CDHR3: variants seen among roughly 807,000 people sequenced by gnomAD.
The protein encoded by CDHR3 is cadherin-related family member 3.
In CDHR3, 79 loss-of-function variants were observed where a neutral mutation model predicts 86.6. The ratio of observed to expected loss-of-function variants is 0.91; its 90% CI spans 0.76 to 1.10. The LOEUF is 1.10. CDHR3 is among the 50% of genes least tolerant of loss of function. The probability of loss-of-function intolerance (pLI) is 0.00; values close to 1 mark genes in which losing one functional copy is unlikely to be tolerated. For synonymous variants in CDHR3, 421 were observed against 402.4 expected (o/e 1.05, Z -0.55); for missense variants, 1,081 against 1,077.6 (o/e 1.00, Z -0.04).
chr7:105,987,724 A>T lies in CDHR3; in HGVS notation c.513+3435A>T, dbSNP rs533082371. 4.6e-4 allele frequency among the ~76,000 whole-genome samples: 70 copies of T among 152,314 alleles called. 1 individual carries two copies. The South Asian group carries it at 0.013, about 29-fold the overall frequency. On this transcript the variant is annotated intron_variant, in intron 4 of 18. Transcript: ENST00000317716. Reference sequence around the variant, plus strand: ...ATAAAGCCCCCAGGGAATCTAATGTATGGCCAGGGGTGAGAACTGCTGGTT... The same window carrying T: ...ATAAAGCCCCCAGGGAATCTAATGTTTGGCCAGGGGTGAGAACTGCTGGTT...
Position 105,980,989 on chromosome 7 carries a change from C to A in CDHR3, c.271C>A (p.Gln91Lys). Residue 91 changes from glutamine (Q) to lysine (K), a missense_variant, in exon 3 of 19, where the codon CAA becomes AAA. Gln to Lys is a moderately conservative substitution (Grantham distance 53, BLOSUM62 1). Transcript: ENST00000317716. The part of the protein sequence containing the change: ...YFEVVTTGME[Q>K]LDFETGPNIF... Reference sequence around the variant, plus strand: ...TTAGGTTGTCACCACTGGGATGGAACAACTAGATTTTGAAACAGGACCAAA... The same window carrying A: ...TTAGGTTGTCACCACTGGGATGGAAAAACTAGATTTTGAAACAGGACCAAA... 1 of 1,608,942 alleles carries A rather than the reference C, an allele frequency of 6.2e-7. No individual in the cohort carries two copies. Among genetic ancestry groups the A allele is most frequent in the Non-Finnish European group, 8.5e-7 (1 of 1,177,536 alleles).
In CDHR3 at chr7:106,034,167, C is replaced by T. The variant is rs548816990; in HGVS notation, c.*1470C>T. 1.3e-5 allele frequency among the ~76,000 whole-genome samples: 2 copies of T among 152,316 alleles called. No homozygotes were observed. Among genetic ancestry groups the T allele is most frequent in the African/African-American group, 4.8e-5 (2 of 41,580 alleles). On this transcript the variant is annotated 3_prime_UTR_variant, in exon 19 of 19. Coordinates refer to ENST00000317716, the MANE Select transcript of CDHR3 (RefSeq NM_152750.5). ...TAAAACTCAGACTTCCACCTGTAGGCATGAGCAATGAACTGGGAATAAATG... is the reference window on the plus strand; with the variant it reads ...TAAAACTCAGACTTCCACCTGTAGGTATGAGCAATGAACTGGGAATAAATG...
At chr7:106,012,724 TAGG>T (rs1835001039) in intron 8 of CDHR3, 133 bp from the exon 9 acceptor site, 1 of 911,194 alleles carries the variant, frequency 1.1e-6, no homozygotes, top group Non-Finnish European at 1.6e-6. Flanking sequence ...GGAGACCAGT[TAGG>T]AGGTGACTGC....
intron 2 of CDHR3, among the ~76,000 whole-genome samples, chr7:105,978,477 T>C (rs796929859): frequency 1.3e-4 from 20 of 152,268 alleles, no homozygotes; most frequent in African/African-American, 4.3e-4. Context: ...ATGCCTAAAG[T>C]GAAACTTACT....
intron 1 of CDHR3, among the ~76,000 whole-genome samples, chr7:105,969,105 A>AAAAATT (rs1307212031): frequency 6.9e-6 from 1 of 145,474 alleles, no homozygotes; most frequent in Non-Finnish European, 1.5e-5. Context: ...AAATAAAAAT[A>AAAAATT]AAAAAAGTGG....
At chr7:105,999,323 C>G (rs1442498364) in intron 6 of CDHR3, among the ~76,000 whole-genome samples, 1 of 152,216 alleles carries the variant, frequency 6.6e-6, no homozygotes, top group Non-Finnish European at 1.5e-5. Flanking sequence ...GCCTGAGGAG[C>G]TGCATCGTGG....
chr7:106,006,716 C>T (rs1833988078), intron 8 of CDHR3, among the ~76,000 whole-genome samples: 1 of 152,216 alleles, frequency 6.6e-6, no homozygotes, highest in African/African-American at 2.4e-5. Flanking sequence ...AGCTTCCATC[C>T]TGGATGCTTT....
At chr7:105,984,655 A>AT (rs142561234) in intron 4 of CDHR3, among the ~76,000 whole-genome samples, 2,391 of 152,306 alleles carry the variant, frequency 0.016, 63 homozygotes, top group African/African-American at 0.055. Context: ...ACTGCTCAAT[A>AT]TTTTAAAAAT....
chr7:106,023,852 T>G (rs1199760180), intron 14 of CDHR3, among the ~76,000 whole-genome samples: 2 of 152,164 alleles, frequency 1.3e-5, no homozygotes, highest in East Asian at 3.8e-4. Flanking sequence ...TTGTGACATC[T>G]CCAATCCTGA....
Position 106,035,588 on chromosome 7 carries a change from G to A in CDHR3, c.*2891G>A, listed in dbSNP as rs1838851760. 6.6e-6 allele frequency among the ~76,000 whole-genome samples: 1 copy of A among 152,184 alleles called. No individual in the cohort carries two copies. Among genetic ancestry groups the A allele is most frequent in the South Asian group, 2.1e-4 (1 of 4,822 alleles). Reference sequence around the variant, plus strand: ...CTCCACAGTGTGGGAACGGGCCTGAGCAAGTGACTCAAGGGCCCAGATACA... The same window carrying A: ...CTCCACAGTGTGGGAACGGGCCTGAACAAGTGACTCAAGGGCCCAGATACA... On this transcript the variant is annotated 3_prime_UTR_variant, in exon 19 of 19. Coordinates refer to ENST00000317716, the MANE Select transcript of CDHR3 (RefSeq NM_152750.5).
intron 7 of CDHR3, among the ~76,000 whole-genome samples, 189 bp downstream of exon 7, chr7:106,001,799 C>A (rs559152432): frequency 2.0e-5 from 3 of 152,246 alleles, no homozygotes; most frequent in East Asian, 3.9e-4. Context: ...GCATGTCCCC[C>A]TGTATATTTT....
At chr7:106,003,653 C>T (rs1320387119) in intron 7 of CDHR3, among the ~76,000 whole-genome samples, 1 of 152,090 alleles carries the variant, frequency 6.6e-6, no homozygotes, top group Non-Finnish European at 1.5e-5. Context: ...CCGGACTGTC[C>T]CACCTTTATA....
Position 105,981,053 on chromosome 7 carries a change from G to C in CDHR3, c.335G>C (p.Gly112Ala), listed in dbSNP as rs760452565. 5.0e-6 allele frequency: 8 copies of C among 1,613,218 alleles called. No individual in the cohort carries two copies. In the South Asian group the frequency reaches 7.7e-5, roughly 16 times the overall value. The change falls in exon 3 of 19, where the codon GGT (glycine) becomes GCT (alanine). Residue 112 changes from glycine (G) to alanine (A), a missense_variant. Coordinates refer to ENST00000317716, the MANE Select transcript of CDHR3 (RefSeq NM_152750.5). ...CAGATTTATGTGAAGGATGAGGTTG[G>C]TGTCACAGACCTGCAAGTCCTGACT... ...DLQIYVKDEV[G>A]VTDLQVLTVQ... is the part of the protein sequence containing the mutation.
Position 106,026,662 on chromosome 7 carries a change from C to T in CDHR3, c.2259-20C>T. The T allele has an allele frequency of 6.2e-7, 1 of 1,613,470 alleles. No individual in the cohort carries two copies. The highest frequency in any genetic ancestry group is 8.5e-7 in the Non-Finnish European group (1 of 1,179,406). ...GCATACTTTCAAGTGAATTAATAGC[C>T]ATTCTTTTTCCCCCCATAGGACAAA... is the stretch of plus-strand genomic sequence containing the variant. On this transcript the variant is annotated intron_variant, in intron 15 of 18. Transcript: ENST00000317716.
chr7:105,974,956 A>T lies in CDHR3; in HGVS notation c.159A>T (p.Ser53=). The change falls in exon 2 of 19, where the codon TCA becomes TCT. Residue 53 remains serine, a synonymous_variant. Transcript: ENST00000317716. ...CTGTGAAGTTATCAGCATCATTGTC[A>T]CCTGTGATCCCAGGATTTCCCCAGA... is the stretch of plus-strand genomic sequence containing the variant. ...KFSVKLSASL[S]PVIPGFPQIV... 6.2e-7 allele frequency: 1 copy of T among 1,613,624 alleles called. No homozygotes were observed.
intron 10 of CDHR3, 136 bp from the exon 11 acceptor site, chr7:106,015,791 C>T: frequency 1.4e-6 from 1 of 705,442 alleles, no homozygotes; most frequent in Non-Finnish European, 2.6e-6. Flanking sequence ...ATCTAAAAGG[C>T]AGGAGCTCCC....
chr7:106,010,530 G>A (rs373318369), intron 8 of CDHR3, among the ~76,000 whole-genome samples: 1 of 152,166 alleles, frequency 6.6e-6, no homozygotes, highest in African/African-American at 2.4e-5. Flanking sequence ...ATGAGGCATC[G>A]TGGAGACTCC....
chr7:106,015,642 C>T (rs937043476), intron 10 of CDHR3, among the ~76,000 whole-genome samples: 1 of 152,174 alleles, frequency 6.6e-6, no homozygotes, highest in African/African-American at 2.4e-5. Flanking sequence ...ACAACACCCC[C>T]CAATCTCCTC....
intron 10 of CDHR3, among the ~76,000 whole-genome samples, chr7:106,015,704 C>T (rs1355724274): frequency 6.6e-6 from 1 of 152,152 alleles, no homozygotes; most frequent in African/African-American, 2.4e-5. Flanking sequence ...TGTTCATTCT[C>T]CTGGAAGCTG....
Sources: gnomAD v4.1 joint callset for allele counts (sites outside exome capture counted in the v4.1 genomes callset) on GRCh38, gnomAD v4.1.1 for gene constraint, MANE v1.5 for transcripts, NCBI Gene and HGNC (gene_info 2026-07-23, HGNC 2026-07-21) for gene names.